The following TOR1AIP1 variants were observed in gnomAD, a reference collection of about 807,000 sequenced individuals.
The protein encoded by TOR1AIP1 is torsin-1A-interacting protein 1.
Under a neutral mutation model 63.3 loss-of-function variants are expected in TOR1AIP1, and 54 were observed. That is an observed-to-expected ratio of 0.85 (90% CI 0.69 to 1.07). TOR1AIP1 has a LOEUF of 1.07. Ranked by LOEUF, TOR1AIP1 falls within the 50% of genes least tolerant of loss-of-function variation. The pLI, the probability that TOR1AIP1 is intolerant of heterozygous loss-of-function variation, is 0.00. For missense variants in TOR1AIP1, 736 were observed against 715.0 expected (o/e 1.03, Z -0.33); for synonymous variants, 294 against 273.5 (o/e 1.07, Z -0.74).
intron 8 of TOR1AIP1, among the ~76,000 whole-genome samples, chr1:179,909,682 T>A (rs1469259521): frequency 6.6e-6 from 1 of 152,180 alleles, no homozygotes; most frequent in Non-Finnish European, 1.5e-5. Flanking sequence ...ATGATCTGCC[T>A]GCCTTGGCCT....
At position 179,902,291 on chromosome 1, in the gene TOR1AIP1, G is replaced by A. The variant is rs1015331796; in HGVS notation, c.739+903G>A. On this transcript the variant is annotated intron_variant, in intron 5 of 9. Coordinates refer to ENST00000606911, the MANE Select transcript of TOR1AIP1 (RefSeq NM_015602.4). Reference sequence around the variant, plus strand: ...TCCACCTGCCTCTGCCTCCCAAAGTGCTGAGATTACAGGCCTGAGCCACGA... The same window carrying A: ...TCCACCTGCCTCTGCCTCCCAAAGTACTGAGATTACAGGCCTGAGCCACGA... Among the ~76,000 whole-genome samples, 4 of 152,120 alleles carry A rather than the reference G, an allele frequency of 2.6e-5. No homozygotes were observed. The South Asian group carries it at 8.3e-4, about 32-fold the overall frequency.
At chr1:179,913,759 G>A (rs890017572) in intron 8 of TOR1AIP1, 2 of 679,258 alleles carry the variant, frequency 2.9e-6, no homozygotes, top group Non-Finnish European at 5.4e-6. Flanking sequence ...ACTAATTATT[G>A]TGTGCTTTGT....
chr1:179,901,350 C>T lies in TOR1AIP1; in HGVS notation c.701C>T (p.Thr234Ile), dbSNP rs746552781. ...DQDSSHSSVT[T>I]VKARSRDSDE... Reference sequence around the variant, plus strand: ...GACAGCTCTCACAGCAGTGTCACTACTGTTAAGGCCAGATCCAGGGATTCT... The same window carrying T: ...GACAGCTCTCACAGCAGTGTCACTATTGTTAAGGCCAGATCCAGGGATTCT... Residue 234 changes from threonine (T) to isoleucine (I), a missense_variant, in exon 5 of 10, where the codon ACT (threonine) becomes ATT (isoleucine). Coordinates refer to ENST00000606911, the MANE Select transcript of TOR1AIP1 (RefSeq NM_015602.4). 6.2e-7 allele frequency: 1 copy of T among 1,610,086 alleles called. No individual in the cohort carries two copies.
intron 4 of TOR1AIP1, 134 bp downstream of exon 4, chr1:179,900,301 G>C: frequency 1.8e-6 from 1 of 542,258 alleles, no homozygotes; most frequent in Non-Finnish European, 3.3e-6. Flanking sequence ...TCAGCTACTC[G>C]GGAGGCTGAG....
chr1:179,918,254 GA>G lies in TOR1AIP1; in HGVS notation c.*20del. On this transcript the variant is annotated 3_prime_UTR_variant, in exon 10 of 10. Coordinates refer to ENST00000606911, the MANE Select transcript of TOR1AIP1 (RefSeq NM_015602.4). ...TCTGCTTATAAGAAGTGAGAGAGAA[GA>G]AAAATCATGTCCCAAGTTCTGAGAA... The G allele has an allele frequency of 1.9e-6, 3 of 1,559,458 alleles. No homozygotes were observed. Among genetic ancestry groups the G allele is most frequent in the Non-Finnish European group, 2.6e-6 (3 of 1,163,578 alleles).
At chr1:179,903,094 G>C (rs957318931) in intron 5 of TOR1AIP1, among the ~76,000 whole-genome samples, 3 of 151,702 alleles carry the variant, frequency 2.0e-5, no homozygotes, top group African/African-American at 7.3e-5. Context: ...AACTAATTTA[G>C]TTATAAATTC....
At chr1:179,897,788 G>A (rs567668876) in intron 3 of TOR1AIP1, among the ~76,000 whole-genome samples, 7 of 152,212 alleles carry the variant, frequency 4.6e-5, no homozygotes, top group Non-Finnish European at 8.8e-5. Context: ...GCTGTCAGCC[G>A]TTTCTTTATT....
chr1:179,917,428 G>A (rs942250102), intron 9 of TOR1AIP1, 24 bp from the exon 10 acceptor site: 1 of 1,580,698 alleles, frequency 6.3e-7, no homozygotes, highest in Non-Finnish European at 8.6e-7. Flanking sequence ...ATTTATATCT[G>A]TCATTTCTTT....
intron 8 of TOR1AIP1, among the ~76,000 whole-genome samples, chr1:179,912,019 T>G (rs1648857400): frequency 7.0e-6 from 1 of 143,542 alleles, no homozygotes; most frequent in African/African-American, 2.5e-5. Flanking sequence ...TTCTTTTTTT[T>G]TTCTTTTTTC....
intron 3 of TOR1AIP1, among the ~76,000 whole-genome samples, chr1:179,892,794 A>G (rs1229847586): frequency 6.6e-6 from 1 of 151,216 alleles, no homozygotes; most frequent in Admixed American, 6.6e-5. Context: ...ATAACCTAAC[A>G]CTCTTTGCTA....
intron 3 of TOR1AIP1, among the ~76,000 whole-genome samples, chr1:179,897,256 A>G (rs961878896): frequency 6.6e-6 from 1 of 152,228 alleles, no homozygotes; most frequent in Non-Finnish European, 1.5e-5. Context: ...TGTTAGAAGT[A>G]TTAAAATCAA....
intron 6 of TOR1AIP1, among the ~76,000 whole-genome samples, chr1:179,906,731 T>TCCCC (rs1558044572): frequency 6.0e-5 from 3 of 50,258 alleles, no homozygotes; most frequent in South Asian, 9.2e-4. Context: ...CCAATTTTGG[T>TCCCC]TCCCCCCCCC....
At chr1:179,909,630 G>T (rs1041534092) in intron 8 of TOR1AIP1, among the ~76,000 whole-genome samples, 2 of 152,052 alleles carry the variant, frequency 1.3e-5, no homozygotes, top group African/African-American at 4.8e-5. Context: ...TAGAGACAGG[G>T]TTTCACCATA....
chr1:179,896,781 T>C (rs1648280605), intron 3 of TOR1AIP1, among the ~76,000 whole-genome samples: 1 of 152,194 alleles, frequency 6.6e-6, no homozygotes, highest in Non-Finnish European at 1.5e-5. Flanking sequence ...TAAAGTCTTT[T>C]ATATTACAGA....
intron 7 of TOR1AIP1, among the ~76,000 whole-genome samples, 196 bp from the exon 8 acceptor site, chr1:179,908,409 G>A (rs1032494637): frequency 3.3e-5 from 5 of 152,132 alleles, no homozygotes; most frequent in African/African-American, 1.2e-4. Flanking sequence ...TTTGCTACCT[G>A]CTTTGCTGTA....
In TOR1AIP1 at chr1:179,904,006, T is replaced by C. The variant is rs1055108205; in HGVS notation, c.780T>C (p.Phe260=). 2.5e-6 allele frequency: 4 copies of C among 1,608,186 alleles called. No homozygotes were observed. In the African/African-American group the frequency reaches 5.4e-5, roughly 22 times the overall value. Residue 260 remains phenylalanine (F), a synonymous_variant, in exon 6 of 10, where the codon TTT becomes TTC. Coordinates refer to ENST00000606911, the MANE Select transcript of TOR1AIP1 (RefSeq NM_015602.4). ...TRSSSQYIES[F]WQSSQSQNFT... is the part of the protein sequence containing the mutation. The stretch of plus-strand genomic sequence containing the variant: ...CATCTAGTCAATATATAGAATCATT[T>C]TGGCAGTCATCACAAAGTAAGTAAA...
At chr1:179,894,040 G>A (rs906126709) in intron 3 of TOR1AIP1, among the ~76,000 whole-genome samples, 1 of 151,710 alleles carries the variant, frequency 6.6e-6, no homozygotes, top group Non-Finnish European at 1.5e-5. Context: ...GAGGCGGGCG[G>A]ATCACGAGGT....
In TOR1AIP1 at chr1:179,900,185, A is replaced by G; in HGVS notation, c.652+18A>G. 1.3e-6 allele frequency: 2 copies of G among 1,510,754 alleles called. No individual in the cohort carries two copies. The highest frequency in any genetic ancestry group is 1.4e-5 in the African/African-American group (1 of 72,582). 93.6% of individuals were successfully genotyped at this position (1,510,754 alleles called of 1,614,324 possible). ...TGAAGAAGGTATTTTACTTGTAAAT[A>G]TCATATAATATATACTTTAAGTCTT... On this transcript the variant is annotated intron_variant, in intron 4 of 9. Transcript: ENST00000606911.
rs1008895268 is a variant in TOR1AIP1 at position 179,882,980 on chromosome 1, G to A, written c.475+3G>A. On this transcript the variant is annotated splice_donor_region_variant and intron_variant, in intron 1 of 9. Transcript: ENST00000606911. ...GCGGGACTCTCATTCCTCTGAAGGT[G>A]AGGACCGCGGAGGTAACAGTCCCAG... 1 of 1,604,320 alleles carries A rather than the reference G, an allele frequency of 6.2e-7. No homozygotes were observed. The highest frequency in any genetic ancestry group is 8.5e-7 in the Non-Finnish European group (1 of 1,176,132).
Sources: gnomAD v4.1 joint callset for allele counts (sites outside exome capture counted in the v4.1 genomes callset) on GRCh38, gnomAD v4.1.1 for gene constraint, MANE v1.5 for transcripts, NCBI Gene and HGNC (gene_info 2026-07-23, HGNC 2026-07-21) for gene names.